The following RUNX1 variants were observed in gnomAD, a reference collection of about 807,000 sequenced individuals.
The protein encoded by RUNX1 is runt-related transcription factor 1.
RUNX1 carries 19 observed loss-of-function variants against 42.8 expected under a neutral mutation model. The observed-to-expected ratio is 0.44, with a 90% confidence interval of 0.31 to 0.65. The LOEUF is 0.65. Among genes scored for constraint, RUNX1 ranks in the 30% least tolerant of loss-of-function variants. The pLI, the probability that RUNX1 is intolerant of heterozygous loss-of-function variation, is 0.07. For missense variants in RUNX1, 528 were observed against 672.0 expected, an observed-to-expected ratio of 0.79 and a Z score of 2.37; for synonymous variants, 271 against 289.4, an observed-to-expected ratio of 0.94 and a Z score of 0.64.
chr21:35,023,465 G>A (rs1003951676), intron 2 of RUNX1, among the ~76,000 whole-genome samples: 1 of 152,210 alleles, frequency 6.6e-6, no homozygotes, highest in Non-Finnish European at 1.5e-5. Context: ...AGGTGGGTGG[G>A]TGGATCAGAC....
intron 5 of RUNX1, among the ~76,000 whole-genome samples, chr21:34,865,734 C>T (rs2057652090): frequency 1.3e-5 from 2 of 152,144 alleles, no homozygotes; most frequent in Admixed American, 6.5e-5. Flanking sequence ...CCTGCAGTTC[C>T]GCATGGCCCA....
chr21:35,021,487 A>G (rs1160064234), intron 2 of RUNX1, among the ~76,000 whole-genome samples: 1 of 152,278 alleles, frequency 6.6e-6, no homozygotes, highest in Non-Finnish European at 1.5e-5. Context: ...CACTATGAGC[A>G]CTATGCGTGT....
intron 7 of RUNX1, among the ~76,000 whole-genome samples, chr21:34,825,322 C>T (rs2056970997): frequency 6.6e-6 from 1 of 152,190 alleles, no homozygotes; most frequent in Non-Finnish European, 1.5e-5. Flanking sequence ...CCTGTTTCCC[C>T]ATCTGGCACT....
intron 2 of RUNX1, among the ~76,000 whole-genome samples, chr21:35,026,237 C>CG (rs1268665678): frequency 3.3e-5 from 5 of 152,192 alleles, no homozygotes; most frequent in African/African-American, 1.2e-4. Context: ...TTCTTTACCT[C>CG]GGGGGGTCAA....
intron 2 of RUNX1, among the ~76,000 whole-genome samples, chr21:34,979,237 T>C (rs2058828150): frequency 1.3e-5 from 2 of 152,190 alleles, no homozygotes; most frequent in South Asian, 4.1e-4. Context: ...TTTGATTTTG[T>C]TCATAGATAT....
chr21:34,983,425 G>C (rs1601634666), intron 2 of RUNX1, among the ~76,000 whole-genome samples: 1 of 152,144 alleles, frequency 6.6e-6, no homozygotes, highest in Admixed American at 6.5e-5. Context: ...CTACTACAGA[G>C]CTTTCACTTT....
intron 7 of RUNX1, among the ~76,000 whole-genome samples, chr21:34,828,688 T>A (rs1478513633): frequency 6.6e-6 from 1 of 152,184 alleles, no homozygotes; most frequent in Non-Finnish European, 1.5e-5. Flanking sequence ...AAGGGCTCCA[T>A]CCTCACAAAT....
intron 2 of RUNX1, among the ~76,000 whole-genome samples, chr21:34,935,824 C>T (rs1297378456): frequency 6.6e-6 from 1 of 152,162 alleles, no homozygotes; most frequent in Non-Finnish European, 1.5e-5. Flanking sequence ...GTGAGAACCA[C>T]TGGGATACAG....
At chr21:34,888,572 T>C in intron 3 of RUNX1, 1 of 1,061,898 alleles carries the variant, frequency 9.4e-7, no homozygotes, top group Non-Finnish European at 1.1e-6. Context: ...GTTGACTTCC[T>C]TCTGGCGTCC....
At chr21:34,870,466 T>C (rs2057721137) in intron 5 of RUNX1, among the ~76,000 whole-genome samples, 1 of 152,248 alleles carries the variant, frequency 6.6e-6, no homozygotes, top group Admixed American at 6.5e-5. Flanking sequence ...CAGAGATTTC[T>C]GGTTGTCACA....
chr21:35,016,790 T>C (rs908270228), intron 2 of RUNX1, among the ~76,000 whole-genome samples: 2 of 152,124 alleles, frequency 1.3e-5, no homozygotes, highest in African/African-American at 4.8e-5. Context: ...CTGTTTCATG[T>C]CCTTCCCATC....
At chr21:34,918,196 T>C (rs1468612596) in intron 2 of RUNX1, among the ~76,000 whole-genome samples, 1 of 151,076 alleles carries the variant, frequency 6.6e-6, no homozygotes, top group Non-Finnish European at 1.5e-5. Flanking sequence ...TAAGGTCAAG[T>C]TGATCTGATA....
At chr21:34,936,778 G>A (rs1302999285) in intron 2 of RUNX1, among the ~76,000 whole-genome samples, 2 of 152,156 alleles carry the variant, frequency 1.3e-5, no homozygotes, top group African/African-American at 4.8e-5. Flanking sequence ...TAAAGCTCTC[G>A]AAGCATTCGT....
chr21:34,888,602 G>A (rs892853443), intron 3 of RUNX1: 1 of 1,058,566 alleles, frequency 9.4e-7, no homozygotes, highest in Non-Finnish European at 1.1e-6. Context: ...CCGGAAAGAA[G>A]TGCCTGGCGG....
chr21:34,805,106 A>G (rs2056661440), intron 7 of RUNX1, among the ~76,000 whole-genome samples: 1 of 152,176 alleles, frequency 6.6e-6, no homozygotes, highest in Admixed American at 6.6e-5. Context: ...ACCCTAACAG[A>G]AATGAGGAAT....
chr21:35,028,834 G>A (rs1378595238), intron 2 of RUNX1, among the ~76,000 whole-genome samples: 1 of 152,162 alleles, frequency 6.6e-6, no homozygotes, highest in Non-Finnish European at 1.5e-5. Context: ...CTCTCTATGG[G>A]TCTAGGATCA....
In RUNX1 at chr21:34,907,624, T is replaced by TGAC. The variant is rs2058233741; in HGVS notation, c.59-14662_59-14661insGTC. Among the ~76,000 whole-genome samples, 1 of 152,210 alleles carries TGAC rather than the reference T, an allele frequency of 6.6e-6. No homozygotes were observed. The highest frequency in any genetic ancestry group is 1.5e-5 in the Non-Finnish European group (1 of 68,030). ...TCCCTGTGACTCTCTGAAGTTCTCCTTTCTGTGCCTCCGCTTCCACCTTTG... is the reference window on the plus strand; with the variant it reads ...TCCCTGTGACTCTCTGAAGTTCTCCTGACTTCTGTGCCTCCGCTTCCACCTTTG... On this transcript the variant is annotated intron_variant, in intron 2 of 8. Transcript: ENST00000675419. The surrounding 1 kb of genome is among the most constrained non-coding windows in gnomAD (Gnocchi z 5.3).
chr21:35,045,333 G>T (rs1179833711), intron 2 of RUNX1, among the ~76,000 whole-genome samples: 1 of 152,048 alleles, frequency 6.6e-6, no homozygotes, highest in Admixed American at 6.6e-5. Context: ...TTCCTTGTGG[G>T]CCAGGGTGGG....
intron 5 of RUNX1, among the ~76,000 whole-genome samples, chr21:34,869,566 G>C (rs2057709472): frequency 6.6e-6 from 1 of 152,224 alleles, no homozygotes; most frequent in Non-Finnish European, 1.5e-5. Context: ...AGTGTAGTAA[G>C]AACCCTTCCA....
Sources: allele counts gnomAD v4.1 joint callset (sites outside exome capture counted in the v4.1 genomes callset), GRCh38; gene constraint gnomAD v4.1.1; non-coding constraint Gnocchi (gnomAD v3.1); transcripts MANE v1.5; gene names NCBI Gene and HGNC (gene_info 2026-07-23, HGNC 2026-07-21).